Variants in ACER3 observed in about 807,000 individuals in gnomAD.
The protein encoded by ACER3 is alkCDase 3.
In ACER3, 16 loss-of-function variants were observed where a neutral mutation model predicts 48.9. The observed-to-expected ratio is 0.33, with a 90% CI of 0.22 to 0.50. ACER3 has a LOEUF of 0.50. Ranked by LOEUF, ACER3 falls within the 20% of genes least tolerant of loss-of-function variation. The pLI, the probability that ACER3 is intolerant of heterozygous loss-of-function variation, is 0.98. For synonymous variants in ACER3, 109 were observed against 107.8 expected (o/e 1.01, Z -0.07); for missense variants, 227 against 326.0 (o/e 0.70, Z 2.34).
At chr11:77,005,994 T>TATATATATATACATAGATATATATA (rs1272209642) in intron 7 of ACER3, among the ~76,000 whole-genome samples, 1 of 82,150 alleles carries the variant, frequency 1.2e-5, no homozygotes. Flanking sequence ...TATATATATT[T>TATATATATATACATAGATATATATA]TTTTTTTTTT....
chr11:76,899,985 A>G lies in ACER3; in HGVS notation c.104-26572A>G, dbSNP rs1475168119. Among the ~76,000 whole-genome samples the G allele has an allele frequency of 2.0e-5, 3 of 152,360 alleles. No individual in the cohort carries two copies. In the East Asian group the frequency reaches 5.8e-4, roughly 29 times the overall value. On this transcript the variant is annotated intron_variant, in intron 1 of 10. Transcript: ENST00000532485. Reference sequence around the variant, plus strand: ...AACACATATTTTGTGCATGTATTATATACTATATTCTTCTTATAATAAAGT... The same window carrying G: ...AACACATATTTTGTGCATGTATTATGTACTATATTCTTCTTATAATAAAGT...
At chr11:77,003,195 A>G (rs2135277397) in intron 7 of ACER3, among the ~76,000 whole-genome samples, 1 of 152,374 alleles carries the variant, frequency 6.6e-6, no homozygotes, top group East Asian at 1.9e-4. Flanking sequence ...CAGCTTCTTT[A>G]ATAGTCATGC....
intron 3 of ACER3, among the ~76,000 whole-genome samples, chr11:76,970,520 A>C (rs1225328218): frequency 1.3e-5 from 2 of 152,154 alleles, no homozygotes; most frequent in Non-Finnish European, 2.9e-5. Flanking sequence ...AGACCTGACA[A>C]CTAAATACAA....
chr11:76,986,390 C>T (rs963823809), intron 5 of ACER3, among the ~76,000 whole-genome samples: 2 of 152,158 alleles, frequency 1.3e-5, no homozygotes, highest in African/African-American at 4.8e-5. Flanking sequence ...ATCAAGGCTT[C>T]ATGCATGAGT....
rs866121494 is a variant in ACER3, at chr11:76,868,403, G to A, written c.103+7324G>A. Reference sequence around the variant, plus strand: ...TCTCTCTCTCTCTCTGTGTGTGTGTGTGTGTGTGTGTGTGTGTGTGTGTGT... The same window carrying A: ...TCTCTCTCTCTCTCTGTGTGTGTGTATGTGTGTGTGTGTGTGTGTGTGTGT... On this transcript the variant is annotated intron_variant, in intron 1 of 10. Transcript: ENST00000532485. The A allele has an allele frequency of 1.0e-4, 54 of 518,888 alleles. 2 individuals carry two copies. In the Middle Eastern group the frequency reaches 2.3e-3, roughly 22 times the overall value. 32.1% of individuals were successfully genotyped at this position (518,888 alleles called of 1,614,324 possible). A position where few individuals can be genotyped will look rare whatever the true frequency, so the allele number is the denominator to read the frequency against.
chr11:76,972,299 T>C (rs1948326794), intron 3 of ACER3, among the ~76,000 whole-genome samples: 1 of 152,196 alleles, frequency 6.6e-6, no homozygotes, highest in Non-Finnish European at 1.5e-5. Context: ...TATGAAGTAG[T>C]TTCTCTCATT....
chr11:76,890,144 C>G (rs1328377583), intron 1 of ACER3, among the ~76,000 whole-genome samples: 3 of 152,070 alleles, frequency 2.0e-5, no homozygotes, highest in African/African-American at 7.2e-5. Context: ...GGGAGGGCCC[C>G]TGTGGTTTTG....
chr11:76,903,450 C>T (rs1375958744), intron 1 of ACER3, among the ~76,000 whole-genome samples: 1 of 104,544 alleles, frequency 9.6e-6, no homozygotes, highest in South Asian at 4.5e-4. Flanking sequence ...CTCCCACCCC[C>T]CCACCCGCCC....
intron 6 of ACER3, among the ~76,000 whole-genome samples, chr11:76,995,253 T>C (rs1022672282): frequency 2.6e-5 from 4 of 152,170 alleles, no homozygotes; most frequent in African/African-American, 9.7e-5. Flanking sequence ...CAAGCATGTT[T>C]CTACTTTAGG....
intron 2 of ACER3, among the ~76,000 whole-genome samples, chr11:76,949,688 A>T (rs1277474007): frequency 6.6e-6 from 1 of 152,208 alleles, no homozygotes; most frequent in African/African-American, 2.4e-5. Context: ...TGGTGATTTG[A>T]ATAATTTTTC....
intron 1 of ACER3, among the ~76,000 whole-genome samples, chr11:76,889,903 CT>C (rs1299375286): frequency 5.3e-5 from 8 of 150,546 alleles, no homozygotes; most frequent in African/African-American, 2.0e-4. Flanking sequence ...GTTATTTTTT[CT>C]TGCTATCTTA....
At chr11:76,874,794 G>A (rs1002537868) in intron 1 of ACER3, among the ~76,000 whole-genome samples, 2 of 152,138 alleles carry the variant, frequency 1.3e-5, no homozygotes, top group African/African-American at 4.8e-5. Flanking sequence ...TACTTTGGTG[G>A]ACTTTCCATT....
chr11:76,968,301 A>G (rs1453941185), intron 3 of ACER3, among the ~76,000 whole-genome samples: 1 of 151,580 alleles, frequency 6.6e-6, no homozygotes, highest in Non-Finnish European at 1.5e-5. Flanking sequence ...GAGGATACAA[A>G]CAAATGGAAG....
At chr11:76,875,918 TAG>T (rs1945369078) in intron 1 of ACER3, among the ~76,000 whole-genome samples, 2 of 151,730 alleles carry the variant, frequency 1.3e-5, no homozygotes, top group Non-Finnish European at 2.9e-5. Flanking sequence ...GTATTATTAG[TAG>T]AGACAGGGGA....
At chr11:76,940,694 TA>T in intron 2 of ACER3, among the ~76,000 whole-genome samples, 1 of 152,326 alleles carries the variant, frequency 6.6e-6, no homozygotes, top group Non-Finnish European at 1.5e-5. Flanking sequence ...GCTACTTCTA[TA>T]CCTTATTCTT....
intron 1 of ACER3, among the ~76,000 whole-genome samples, chr11:76,909,222 C>A (rs1946308381): frequency 6.6e-6 from 1 of 152,168 alleles, no homozygotes; most frequent in Non-Finnish European, 1.5e-5. Flanking sequence ...GCAAAGACTT[C>A]ATGACTAAAA....
At chr11:76,982,264 T>G (rs1277906423) in intron 4 of ACER3, among the ~76,000 whole-genome samples, 1 of 150,834 alleles carries the variant, frequency 6.6e-6, no homozygotes, top group Non-Finnish European at 1.5e-5. Context: ...GTCGCCACTC[T>G]GGAGTGCAGT....
At chr11:76,940,695 A>T (rs542302471) in intron 2 of ACER3, among the ~76,000 whole-genome samples, 2 of 152,250 alleles carry the variant, frequency 1.3e-5, no homozygotes, top group African/African-American at 4.8e-5. Context: ...CTACTTCTAT[A>T]CCTTATTCTT....
chr11:76,996,417 A>ATTC (rs1176833228), intron 6 of ACER3, among the ~76,000 whole-genome samples: 4 of 150,448 alleles, frequency 2.7e-5, no homozygotes, highest in Non-Finnish European at 1.5e-5. Flanking sequence ...TATTATTATT[A>ATTC]TTATTATTAT....
Sources: gnomAD v4.1 joint callset for allele counts (sites outside exome capture counted in the v4.1 genomes callset) on GRCh38, gnomAD v4.1.1 for gene constraint, MANE v1.5 for transcripts, NCBI Gene and HGNC (gene_info 2026-07-23, HGNC 2026-07-21) for gene names.